RTL4: variants seen among roughly 807,000 people sequenced by gnomAD.
The protein encoded by RTL4 is retrotransposon Gag-like protein 4.
A neutral mutation model predicts 5.3 loss-of-function variants in RTL4; 4 were observed. The ratio of observed to expected loss-of-function variants is 0.75; its 90% confidence interval spans 0.37 to 1.72. The LOEUF is 1.72. Ranked by LOEUF, RTL4 falls within the 40% of genes most tolerant of loss-of-function variation. RTL4 has a pLI of 0.04. For synonymous variants in RTL4, 98 were observed against 87.3 expected (o/e 1.12, Z -0.68); for missense variants, 260 against 227.1 (o/e 1.14, Z -0.93).
chrX:112,257,284 T>C, the RTL4 span, among the ~76,000 whole-genome samples: 1 of 111,764 alleles, frequency 8.9e-6, no homozygotes, highest in Non-Finnish European at 1.9e-5. Flanking sequence ...TCTTGAATGC[T>C]AAACCATCCT....
At chrX:112,407,065 C>T in the RTL4 span, among the ~76,000 whole-genome samples, 49 of 110,050 alleles carry the variant, frequency 4.5e-4, no homozygotes, top group African/African-American at 1.5e-3. Context: ...AGATGAGACT[C>T]TGCACATCCC....
the RTL4 span, among the ~76,000 whole-genome samples, chrX:112,186,756 G>A: frequency 2.7e-5 from 3 of 111,891 alleles, no homozygotes; most frequent in South Asian, 3.7e-4. Flanking sequence ...AGAACTGGTC[G>A]AACTGTGGGG....
At chrX:112,322,681 C>A in the RTL4 span, among the ~76,000 whole-genome samples, 2 of 110,850 alleles carry the variant, frequency 1.8e-5, no homozygotes, top group Admixed American at 1.9e-4. Flanking sequence ...ATTAGGTAAC[C>A]CATGATAAAC....
the RTL4 span, among the ~76,000 whole-genome samples, chrX:112,197,518 T>C: frequency 8.9e-6 from 1 of 111,757 alleles, no homozygotes; most frequent in African/African-American, 3.3e-5. Flanking sequence ...AATTTTTCTC[T>C]GTGGTGTATG....
the RTL4 span, among the ~76,000 whole-genome samples, chrX:112,390,140 T>TA: frequency 2.3e-5 from 1 of 43,048 alleles, no homozygotes; most frequent in Non-Finnish European, 4.1e-5. Context: ...TATATATATA[T>TA]ATATATATAT....
chrX:112,289,413 T>C, the RTL4 span, among the ~76,000 whole-genome samples: 1 of 112,464 alleles, frequency 8.9e-6, no homozygotes, highest in Non-Finnish European at 1.9e-5. Flanking sequence ...GGAAAGTTTA[T>C]AGTCTGATTG....
At chrX:112,130,971 AT>A in the RTL4 span, among the ~76,000 whole-genome samples, 4 of 100,908 alleles carry the variant, frequency 4.0e-5, no homozygotes, top group African/African-American at 8.0e-5. Flanking sequence ...TTTTTTTTGT[AT>A]TTTTTTTTAG....
At chrX:112,268,223 C>A in the RTL4 span, among the ~76,000 whole-genome samples, 1 of 111,779 alleles carries the variant, frequency 8.9e-6, no homozygotes, top group Non-Finnish European at 1.9e-5. Context: ...TCTCCTGACT[C>A]GTTTTACAAC....
At chrX:112,229,335 C>T in the RTL4 span, among the ~76,000 whole-genome samples, 1 of 112,212 alleles carries the variant, frequency 8.9e-6, no homozygotes, top group Admixed American at 9.5e-5. Flanking sequence ...ATCCTCCCAA[C>T]AGCCCTATTC....
chrX:112,249,998 C>T, the RTL4 span, among the ~76,000 whole-genome samples: 2 of 110,534 alleles, frequency 1.8e-5, no homozygotes, highest in Admixed American at 1.9e-4. Context: ...ATAACAGGGC[C>T]GGGCGCAGTG....
the RTL4 span, among the ~76,000 whole-genome samples, chrX:112,286,870 G>T: frequency 9.0e-6 from 1 of 111,495 alleles, no homozygotes; most frequent in Non-Finnish European, 1.9e-5. Context: ...ACTAATTAAG[G>T]TAATAGCATC....
the RTL4 span, among the ~76,000 whole-genome samples, chrX:112,396,852 G>A: frequency 1.5e-3 from 166 of 111,258 alleles, 2 homozygotes; most frequent in East Asian, 0.04. Context: ...GTTTTTGATG[G>A]CCTTGACAGT....
chrX:112,455,157 A>C lies in RTL4; in HGVS notation c.429A>C (p.Glu143Asp), dbSNP rs1926814993. Residue 143 changes from glutamate (E) to aspartate (D), a missense_variant, in exon 1 of 1, where the codon GAA becomes GAC. Glu to Asp is a conservative substitution (Grantham distance 45). Coordinates refer to ENST00000340433, the Ensembl canonical transcript of RTL4. ...CATTTGGTAAACCCACAAAACAGGAAATCAATCCTCTGATGAATGCTAAGT... is the reference window on the plus strand; with the variant it reads ...CATTTGGTAAACCCACAAAACAGGACATCAATCCTCTGATGAATGCTAAGT... The C allele has an allele frequency of 2.5e-6, 3 of 1,211,744 alleles. No homozygotes were observed. The East Asian group carries it at 8.9e-5, about 36-fold the overall frequency.
At chrX:112,236,030 G>A in the RTL4 span, among the ~76,000 whole-genome samples, 1 of 110,931 alleles carries the variant, frequency 9.0e-6, no homozygotes, top group Non-Finnish European at 1.9e-5. Flanking sequence ...CTTTGGAGGC[G>A]GAGTAGGAAA....
the RTL4 span, among the ~76,000 whole-genome samples, chrX:112,294,103 C>T: frequency 2.7e-5 from 3 of 111,587 alleles, no homozygotes; most frequent in Non-Finnish European, 5.6e-5. Context: ...GATTCTCTTC[C>T]CCAAAGAAAC....
the RTL4 span, among the ~76,000 whole-genome samples, chrX:112,410,503 C>A: frequency 4.5e-5 from 5 of 111,709 alleles, no homozygotes; most frequent in Non-Finnish European, 3.8e-5. Flanking sequence ...AGTCTTAAAT[C>A]TTTTTAAAAA....
At chrX:112,308,242 G>A in the RTL4 span, among the ~76,000 whole-genome samples, 1 of 111,208 alleles carries the variant, frequency 9.0e-6, no homozygotes, top group African/African-American at 3.3e-5. Context: ...TTGATACTTA[G>A]AGTGTCATTC....
the RTL4 span, among the ~76,000 whole-genome samples, chrX:112,308,262 A>G: frequency 9.0e-6 from 1 of 111,155 alleles, no homozygotes; most frequent in Non-Finnish European, 1.9e-5. Flanking sequence ...CAAATAGGCA[A>G]AGTAAATCAC....
chrX:112,353,763 A>G, the RTL4 span, among the ~76,000 whole-genome samples: 2 of 110,190 alleles, frequency 1.8e-5, no homozygotes, highest in Non-Finnish European at 3.8e-5. Flanking sequence ...CAGCACAGCA[A>G]CATGGCACAT....
Sources: allele counts gnomAD v4.1 joint callset (sites outside exome capture counted in the v4.1 genomes callset), GRCh38; gene constraint gnomAD v4.1.1; transcripts MANE v1.5; gene names NCBI Gene and HGNC (gene_info 2026-07-23, HGNC 2026-07-21).